Variants in PACS2 observed in about 807,000 individuals in gnomAD.
The protein encoded by PACS2 is phosphofurin acidic cluster sorting protein 2.
PACS2 carries 36 observed loss-of-function variants against 113.0 expected under a neutral mutation model. The ratio of observed to expected loss-of-function variants is 0.32; its 90% CI spans 0.24 to 0.42. PACS2 has a LOEUF of 0.42. Among genes scored for constraint, PACS2 ranks in the 10% least tolerant of loss-of-function variants. PACS2 has a pLI of 1.00. For missense variants in PACS2, 1,015 were observed against 1,239.5 expected (o/e 0.82, Z 2.72); for synonymous variants, 589 against 536.1 (o/e 1.10, Z -1.36).
intron 9 of PACS2, among the ~76,000 whole-genome samples, chr14:105,378,827 C>T (rs1229241153): frequency 2.0e-5 from 3 of 152,226 alleles, no homozygotes; most frequent in Non-Finnish European, 4.4e-5. Context: ...GCCTGGATGG[C>T]CTGGATCGGC....
At chr14:105,375,457 AACAG>A (rs2061319008) in intron 8 of PACS2, among the ~76,000 whole-genome samples, 1 of 150,042 alleles carries the variant, frequency 6.7e-6, no homozygotes, top group African/African-American at 2.5e-5. Context: ...CAGCCTGGGC[AACAG>A]ACAGTGCGAG....
intron 6 of PACS2, 27 bp from the exon 7 acceptor site, chr14:105,368,432 C>G: frequency 3.2e-6 from 5 of 1,583,916 alleles, no homozygotes; most frequent in Non-Finnish European, 4.3e-6. Flanking sequence ...GCTGCCGTGG[C>G]CTCAGCCACT....
intron 4 of PACS2, among the ~76,000 whole-genome samples, chr14:105,359,149 C>G (rs587653066): frequency 1.3e-3 from 196 of 152,244 alleles, no homozygotes; most frequent in African/African-American, 4.5e-3. Context: ...TCCACCCCTA[C>G]GCGGCGGTGC....
intron 14 of PACS2, 55 bp downstream of exon 14, chr14:105,382,636 G>A (rs1175939165): frequency 8.4e-7 from 1 of 1,186,796 alleles, no homozygotes; most frequent in African/African-American, 1.5e-5. Context: ...GAGGAGAGTG[G>A]GTTCCTGAAG....
At chr14:105,314,580 T>G (rs899819188), upstream of PACS2, 4 of 144,466 alleles carry the variant, frequency 2.8e-5, no homozygotes, top group Admixed American at 2.7e-4. Context: ...CGCACCTCAC[T>G]TCCGGCGCGC....
rs587695561 is a variant in PACS2 at position 105,324,941 on chromosome 14, G to A, written c.119+9904G>A. On this transcript the variant is annotated intron_variant, in intron 1 of 24. Coordinates refer to ENST00000447393, the MANE Select transcript of PACS2 (RefSeq NM_001100913.3). This position sits in a 1 kb window ranked among gnomAD's most constrained non-coding sequence, Gnocchi z 4.7. ...AGGGAAGACACTGGGGAAGGGGTGG[G>A]TCTGCCCTTCCTGCTGGGGGTGCAC... 6.6e-6 allele frequency among the ~76,000 whole-genome samples: 1 copy of A among 152,072 alleles called. No individual in the cohort carries two copies. The highest frequency in any genetic ancestry group is 1.5e-5 in the Non-Finnish European group (1 of 67,978).
chr14:105,392,709 G>A lies in PACS2; in HGVS notation c.2346G>A (p.Lys782=), dbSNP rs1555415263. 18 of 1,612,986 alleles carry A rather than the reference G, an allele frequency of 1.1e-5. No homozygotes were observed. The highest frequency in any genetic ancestry group is 1.5e-5 in the Non-Finnish European group (18 of 1,179,990). Residue 782 remains lysine, a synonymous_variant, in exon 23 of 25, where the codon AAG becomes AAA. Coordinates refer to ENST00000447393, the MANE Select transcript of PACS2 (RefSeq NM_001100913.3). ...PADRKRDAEK[K]DLPVTKNTLK... is the part of the protein sequence containing the mutation. ...ACAGGAAGAGGGACGCCGAGAAGAA[G>A]GACCTGCCTGTCACCAAAAACACGC...
At chr14:105,382,618 G>T in intron 14 of PACS2, 37 bp downstream of exon 14, 1 of 1,302,096 alleles carries the variant, frequency 7.7e-7, no homozygotes, top group Non-Finnish European at 1.1e-6. Flanking sequence ...GGGTCAGGGT[G>T]TAGGACAGAG....
At chr14:105,381,169 G>T (rs1192913628) in intron 12 of PACS2, 70 bp downstream of exon 12, 2 of 1,402,076 alleles carry the variant, frequency 1.4e-6, no homozygotes, top group African/African-American at 1.4e-5. Context: ...ACGGGCATCA[G>T]TCGGGGTGGG....
At chr14:105,343,313 G>A (rs1555401962) in intron 1 of PACS2, among the ~76,000 whole-genome samples, 1 of 152,234 alleles carries the variant, frequency 6.6e-6, no homozygotes, top group African/African-American at 2.4e-5. Flanking sequence ...GTTATGAATA[G>A]AGCTGCTGTG....
At position 105,315,990 on chromosome 14, in the gene PACS2, G is replaced by T. The variant is rs1448355198; in HGVS notation, c.119+953G>T. On this transcript the variant is annotated intron_variant, in intron 1 of 24. Transcript: ENST00000447393. This position sits in a 1 kb window ranked among gnomAD's most constrained non-coding sequence, Gnocchi z 4.4. ...CCAGTATGCCTGGAGGGGACCCCAC[G>T]TGGCATTGAGTTGTTCCACCCCTAG... 6.6e-6 allele frequency among the ~76,000 whole-genome samples: 1 copy of T among 152,196 alleles called. No homozygotes were observed. Among genetic ancestry groups the T allele is most frequent in the South Asian group, 2.1e-4 (1 of 4,836 alleles).
At chr14:105,331,299 A>T (rs968087476) in intron 1 of PACS2, among the ~76,000 whole-genome samples, 2 of 152,142 alleles carry the variant, frequency 1.3e-5, no homozygotes, top group African/African-American at 4.8e-5. Context: ...TTTCTGTGCG[A>T]TGATATAGTT....
chr14:105,345,807 C>G (rs2059899840), intron 1 of PACS2, among the ~76,000 whole-genome samples: 1 of 152,194 alleles, frequency 6.6e-6, no homozygotes, highest in Non-Finnish European at 1.5e-5. Flanking sequence ...CTCTGTCTTT[C>G]TTCCTCTTGC....
rs908607339 is a variant in PACS2, at chr14:105,314,831, GCCGCCCTCCGCGCGCCCGGC to G, written c.-81_-62del. On this transcript the variant is annotated 5_prime_UTR_variant, in exon 1 of 25. Transcript: ENST00000447393. ...CGCCCGGCAGCCATGTGACCGCGCC[GCCGCCCTCCGCGCGCCCGGC>G]CCGCCCGCCGCGCGTCCGCGGCCCG... 4.4e-5 allele frequency: 19 copies of G among 429,642 alleles called. No individual in the cohort carries two copies. Among genetic ancestry groups the G allele is most frequent in the East Asian group, 1.6e-4 (1 of 6,136 alleles). 26.6% of individuals were successfully genotyped at this position (429,642 alleles called of 1,614,324 possible).
intron 4 of PACS2, among the ~76,000 whole-genome samples, chr14:105,362,219 C>G (rs756646019): frequency 6.6e-6 from 1 of 150,716 alleles, no homozygotes; most frequent in Non-Finnish European, 1.5e-5. Context: ...GAGATCAAGA[C>G]CATCCTGGCT....
chr14:105,316,191 G>A (rs960312762), intron 1 of PACS2, among the ~76,000 whole-genome samples: 2 of 152,226 alleles, frequency 1.3e-5, no homozygotes, highest in Non-Finnish European at 2.9e-5. Context: ...CACCCGGCAC[G>A]ACTCTTGCAC....
At chr14:105,311,401 G>C (rs1301267033), upstream of PACS2, among the ~76,000 whole-genome samples, 1 of 151,990 alleles carries the variant, frequency 6.6e-6, no homozygotes, top group Non-Finnish European at 1.5e-5. Context: ...TCACAGATGC[G>C]CACCACCATG....
At chr14:105,380,821 A>G (rs2080965558) in intron 11 of PACS2, 136 bp from the exon 12 acceptor site, 4 of 804,348 alleles carry the variant, frequency 5.0e-6, no homozygotes, top group African/African-American at 1.7e-5. Flanking sequence ...TGGTCAGCGT[A>G]TGGCCGGGTC....
At chr14:105,310,435 C>T (rs2058320560), upstream of PACS2, among the ~76,000 whole-genome samples, 1 of 144,802 alleles carries the variant, frequency 6.9e-6, no homozygotes, top group Non-Finnish European at 1.5e-5. Flanking sequence ...GAGGCTGAGG[C>T]AGGAGAATGG....
Sources: gnomAD v4.1 joint callset for allele counts (sites outside exome capture counted in the v4.1 genomes callset) on GRCh38, gnomAD v4.1.1 for gene constraint, Gnocchi (gnomAD v3.1) non-coding constraint, MANE v1.5 for transcripts, NCBI Gene and HGNC (gene_info 2026-07-23, HGNC 2026-07-21) for gene names.